UBR1: variants seen among roughly 807,000 people sequenced by gnomAD.
UBR1 encodes the protein E3 ubiquitin-protein ligase UBR1.
A neutral mutation model predicts 242.1 loss-of-function variants in UBR1; 102 were observed. The observed-to-expected ratio is 0.42, with a 90% confidence interval of 0.36 to 0.50. The LOEUF (loss-of-function observed/expected upper bound fraction) is 0.50. Ranked by LOEUF, UBR1 falls within the 20% of genes least tolerant of loss-of-function variation. UBR1 has a pLI of 0.01. For synonymous variants in UBR1, 675 were observed against 684.8 expected (o/e 0.99, Z 0.22); for missense variants, 1,772 against 2,101.8 (o/e 0.84, Z 3.07).
intron 39 of UBR1, among the ~76,000 whole-genome samples, chr15:42,971,263 G>T (rs1215924008): frequency 4.6e-5 from 7 of 152,168 alleles, no homozygotes; most frequent in Admixed American, 4.6e-4. Context: ...AGGGAAGTAG[G>T]TGTCTGTCCT....
chr15:43,029,594 G>GTC (rs2033227065), intron 21 of UBR1, among the ~76,000 whole-genome samples: 1 of 152,104 alleles, frequency 6.6e-6, no homozygotes, highest in Non-Finnish European at 1.5e-5. Context: ...GGCTCCCCTT[G>GTC]TCATTCCCAG....
chr15:43,042,835 G>T (rs2033436966), intron 15 of UBR1, among the ~76,000 whole-genome samples: 1 of 152,158 alleles, frequency 6.6e-6, no homozygotes, highest in South Asian at 2.1e-4. Flanking sequence ...GAGAATCTAT[G>T]ATTTCTTCCT....
chr15:43,032,743 C>A, intron 19 of UBR1, 112 bp from the exon 20 acceptor site: 1 of 696,536 alleles, frequency 1.4e-6, no homozygotes, highest in Non-Finnish European at 2.4e-6. Context: ...TTCATCCAGT[C>A]CAGTATTTTT....
chr15:43,046,779 T>C (rs1336300730), intron 14 of UBR1, among the ~76,000 whole-genome samples: 1 of 152,238 alleles, frequency 6.6e-6, no homozygotes, highest in African/African-American at 2.4e-5. Flanking sequence ...ATTAGTTCTA[T>C]AGTTTGAAAC....
At chr15:42,971,681 G>A (rs2032209242) in intron 39 of UBR1, among the ~76,000 whole-genome samples, 1 of 152,090 alleles carries the variant, frequency 6.6e-6, no homozygotes, top group East Asian at 1.9e-4. Flanking sequence ...AATGCATCAT[G>A]AATTCATACT....
chr15:43,021,766 G>A (rs910330322), intron 26 of UBR1, among the ~76,000 whole-genome samples: 11 of 152,110 alleles, frequency 7.2e-5, no homozygotes, highest in Admixed American at 6.5e-5. Context: ...GGTCAATTAT[G>A]TCTTCATAAT....
At chr15:43,085,481 A>G (rs2034024433) in intron 2 of UBR1, among the ~76,000 whole-genome samples, 1 of 152,242 alleles carries the variant, frequency 6.6e-6, no homozygotes. Context: ...TATACTAGCA[A>G]AAACCAAACT....
chr15:42,990,003 AG>A, intron 34 of UBR1, 26 bp downstream of exon 34: 1 of 1,526,472 alleles, frequency 6.6e-7, no homozygotes, highest in Non-Finnish European at 9.0e-7. Flanking sequence ...TCATTTACAA[AG>A]TTCTCTTAAC....
intron 40 of UBR1, 105 bp downstream of exon 40, chr15:42,970,415 G>T: frequency 1.6e-6 from 2 of 1,220,550 alleles, no homozygotes; most frequent in South Asian, 1.2e-5. Flanking sequence ...GGCAATAACT[G>T]ATTATTTTTA....
intron 39 of UBR1, among the ~76,000 whole-genome samples, chr15:42,974,535 G>C (rs1019514726): frequency 6.6e-6 from 1 of 152,154 alleles, no homozygotes; most frequent in African/African-American, 2.4e-5. Context: ...CCAATACTGA[G>C]CTGGCTATTC....
intron 3 of UBR1, among the ~76,000 whole-genome samples, chr15:43,075,970 C>CCTCTCCCTCTCCCTCTCT (rs2033884930): frequency 6.6e-6 from 1 of 152,072 alleles, no homozygotes; most frequent in Non-Finnish European, 1.5e-5. Flanking sequence ...TCTCCCTCTC[C>CCTCTCCCTCTCCCTCTCT]CTCTCCCTCT....
chr15:42,954,326 G>C (rs2031882559), intron 44 of UBR1, among the ~76,000 whole-genome samples: 1 of 152,166 alleles, frequency 6.6e-6, no homozygotes, highest in African/African-American at 2.4e-5. Flanking sequence ...TTTGAGGGCT[G>C]AAAGGTAAAG....
chr15:43,033,791 G>A (rs1305931992), intron 19 of UBR1, among the ~76,000 whole-genome samples: 1 of 152,156 alleles, frequency 6.6e-6, no homozygotes, highest in East Asian at 1.9e-4. Flanking sequence ...TTTATAGGCT[G>A]GTACTTCAAA....
chr15:43,041,581 T>TA (rs2033418468), intron 15 of UBR1, among the ~76,000 whole-genome samples: 1 of 151,940 alleles, frequency 6.6e-6, no homozygotes, highest in African/African-American at 2.4e-5. Flanking sequence ...CCCTAGAACT[T>TA]AAAGTATAAT....
chr15:43,093,550 G>A (rs777020665), intron 1 of UBR1, among the ~76,000 whole-genome samples: 1 of 152,040 alleles, frequency 6.6e-6, no homozygotes, highest in Non-Finnish European at 1.5e-5. Flanking sequence ...GGAGGCCAAG[G>A]CAGGCAGATC....
chr15:43,076,552 C>T (rs1412815882), intron 3 of UBR1, among the ~76,000 whole-genome samples: 1 of 150,116 alleles, frequency 6.7e-6, no homozygotes, highest in Non-Finnish European at 1.5e-5. Flanking sequence ...GCCTCTGCCC[C>T]GCCGCCCTGT....
chr15:43,059,766 A>C lies in UBR1; in HGVS notation c.921T>G (p.Ile307Met). 1 of 1,614,144 alleles carries C rather than the reference A, an allele frequency of 6.2e-7. No individual in the cohort carries two copies. Among genetic ancestry groups the C allele is most frequent in the Non-Finnish European group, 8.5e-7 (1 of 1,179,996 alleles). The change falls in exon 8 of 47, where the codon ATT becomes ATG. Residue 307 changes from isoleucine (I) to methionine (M), a missense_variant. This residue lies in a region of UBR1 where 734 missense variants were observed against 893.3 expected (regional missense o/e 0.82). Coordinates refer to ENST00000290650, the MANE Select transcript of UBR1 (RefSeq NM_174916.3). ...GCAAAGCAAATTTCTGATGAGCCAT[A>C]ATCTCTGAGTGTAATACTTCTACAT... is the stretch of plus-strand genomic sequence containing the variant. Reference protein sequence around the residue: ...PLHVEVLHSEIMAHQKFALRL... With the variant: ...PLHVEVLHSEMMAHQKFALRL...
At chr15:43,089,758 C>T (rs569246493) in intron 1 of UBR1, among the ~76,000 whole-genome samples, 1 of 152,130 alleles carries the variant, frequency 6.6e-6, no homozygotes, top group South Asian at 2.1e-4. Context: ...GTTATTTTTG[C>T]CCAAAATGTA....
At position 42,983,879 on chromosome 15, in the gene UBR1, GT is replaced by G; in HGVS notation, c.4150+17del. ...ATAAATAATATAATACATAATAATA[GT>G]TCAGAGAAGACTCTACCTGATAGAA... On this transcript the variant is annotated intron_variant, in intron 37 of 46. Transcript: ENST00000290650. 4 of 1,519,996 alleles carry G rather than the reference GT, an allele frequency of 2.6e-6. No individual in the cohort carries two copies. In the South Asian group the frequency reaches 4.6e-5, roughly 17 times the overall value. The allele number at this position is 1,519,996 out of a possible 1,614,324, so 94.2% of individuals were successfully genotyped here. A position where few individuals can be genotyped will look rare whatever the true frequency, so the allele number is the denominator to read the frequency against.
Sources: gnomAD v4.1 joint callset for allele counts (sites outside exome capture counted in the v4.1 genomes callset) on GRCh38, gnomAD v4.1.1 for gene constraint, gnomAD v4.1.1 regional missense constraint, MANE v1.5 for transcripts, NCBI Gene and HGNC (gene_info 2026-07-23, HGNC 2026-07-21) for gene names.